BCORL1: variants seen among roughly 807,000 people sequenced by gnomAD.
BCORL1 encodes BCL-6 corepressor-like protein 1.
Under a neutral mutation model 87.6 loss-of-function variants are expected in BCORL1, and 7 were observed. The ratio of observed to expected loss-of-function variants is 0.08; its 90% CI spans 0.05 to 0.15. The LOEUF (loss-of-function observed/expected upper bound fraction) is 0.15. Among genes scored for constraint, BCORL1 ranks in the 10% least tolerant of loss-of-function variants. BCORL1 has a pLI of 1.00. For missense variants in BCORL1, 1,215 were observed against 1,499.7 expected, an observed-to-expected ratio of 0.81 and a Z score of 3.13; for synonymous variants, 591 against 634.4, an observed-to-expected ratio of 0.93 and a Z score of 1.03.
At chrX:129,984,857 T>G (rs898090963) in intron 1 of BCORL1, among the ~76,000 whole-genome samples, 1 of 111,752 alleles carries the variant, frequency 8.9e-6, no homozygotes, top group African/African-American at 3.3e-5. Context: ...AAATTTTCAA[T>G]GTTGGCTGAT....
Position 130,013,484 on chromosome X carries a change from C to A in BCORL1, c.712C>A (p.Pro238Thr). The A allele has an allele frequency of 1.7e-6, 2 of 1,210,993 alleles. No individual in the cohort carries two copies. The highest frequency in any genetic ancestry group is 2.2e-6 in the Non-Finnish European group (2 of 895,270). ...CCCAGTCCCCCATTCAGGGCTTGTT[C>A]CAGTCCAAGTTGCCACTTCGGTTCC... ...PAPVPHSGLV[P>T]VQVATSVPAP... Residue 238 changes from proline to threonine, a missense_variant, in exon 4 of 14, where the codon CCA (proline) becomes ACA (threonine). By Grantham distance (38) the Pro-to-Thr change is conservative (BLOSUM62 -1). Transcript: ENST00000540052.
At chrX:130,000,075 T>C (rs1203561547) in intron 1 of BCORL1, among the ~76,000 whole-genome samples, 1 of 109,168 alleles carries the variant, frequency 9.2e-6, no homozygotes, top group African/African-American at 3.3e-5. Flanking sequence ...TTAGACAGGA[T>C]TTTGCTGTCG....
At chrX:130,030,653 C>T (rs891802052) in intron 8 of BCORL1, among the ~76,000 whole-genome samples, 8 of 111,222 alleles carry the variant, frequency 7.2e-5, no homozygotes, top group African/African-American at 2.3e-4. Flanking sequence ...CCACAAGCAG[C>T]GCTGGGAAAA....
intron 12 of BCORL1, 143 bp from the exon 13 acceptor site, chrX:130,051,717 G>A (rs1050340370): frequency 3.9e-6 from 2 of 514,253 alleles, no homozygotes; most frequent in East Asian, 3.7e-5. Context: ...CCGGCAAACC[G>A]CATCCCTGAC....
intron 11 of BCORL1, among the ~76,000 whole-genome samples, chrX:130,046,273 C>A (rs1216609003): frequency 9.0e-6 from 1 of 111,286 alleles, no homozygotes; most frequent in East Asian, 2.8e-4. Flanking sequence ...GGTGACAGAG[C>A]AAGACCCTGT....
At chrX:130,012,191 G>C (rs1045848758) in intron 2 of BCORL1, among the ~76,000 whole-genome samples, 2 of 111,993 alleles carry the variant, frequency 1.8e-5, no homozygotes, top group African/African-American at 6.5e-5. Context: ...CATGCCTTTT[G>C]AGGCATTCAG....
At chrX:130,016,733 A>G (rs1460178325) in intron 4 of BCORL1, among the ~76,000 whole-genome samples, 2 of 111,529 alleles carry the variant, frequency 1.8e-5, no homozygotes, top group African/African-American at 6.5e-5. Context: ...TGTGCTAATC[A>G]GTTTCCTACC....
At position 129,990,077 on chromosome X, in the gene BCORL1, T is replaced by C. The variant is rs186773031; in HGVS notation, c.-45+7315T>C. Among the ~76,000 whole-genome samples the C allele has an allele frequency of 6.4e-4, 72 of 111,729 alleles. 2 individuals are homozygous for C. The Middle Eastern group carries it at 0.032, about 50-fold the overall frequency. ...CTGGGATTACAGGCATGGGCCACCA[T>C]GCCCGGCCCACTTAACTTTGTTGAG... On this transcript the variant is annotated intron_variant, in intron 1 of 13. Coordinates refer to ENST00000540052, the MANE Select transcript of BCORL1 (RefSeq NM_001379451.1).
At chrX:130,009,282 C>T (rs750049589) in intron 2 of BCORL1, among the ~76,000 whole-genome samples, 26 of 110,428 alleles carry the variant, frequency 2.4e-4, no homozygotes, top group African/African-American at 5.6e-4. Context: ...CTGACCAACA[C>T]GGAGAAACCC....
At chrX:129,991,651 CTTTTTTT>C (rs112594609) in intron 1 of BCORL1, among the ~76,000 whole-genome samples, 5 of 47,551 alleles carry the variant, frequency 1.1e-4, no homozygotes, top group Non-Finnish European at 1.8e-4. Flanking sequence ...AGAAAATATT[CTTTTTTT>C]TTTTTTTTTT....
rs1285812367 is a variant in BCORL1 at position 130,025,367 on chromosome X, A to G, written c.4066A>G (p.Lys1356Glu). ...AGAGCAAGAAGACGAGCAGCGGCGGAAAGGGAGAGCAGGTAAGGCTGGCCA... is the reference window on the plus strand; with the variant it reads ...AGAGCAAGAAGACGAGCAGCGGCGGGAAGGGAGAGCAGGTAAGGCTGGCCA... ...LTEQEDEQRR[K>E]GRADLKARKQ... Residue 1356 changes from lysine to glutamate, a missense_variant, in exon 7 of 14, where the codon AAA becomes GAA. Lys to Glu is a moderately conservative substitution (Grantham distance 56). This residue lies in a region of BCORL1 where 166 missense variants were observed against 196.5 expected (regional missense o/e 0.84). Coordinates refer to ENST00000540052, the MANE Select transcript of BCORL1 (RefSeq NM_001379451.1). 2 of 1,149,135 alleles carry G rather than the reference A, an allele frequency of 1.7e-6. No individual in the cohort carries two copies. The highest frequency in any genetic ancestry group is 5.6e-5 in the Admixed American group (2 of 35,695). The allele number at this position is 1,149,135 out of a possible 1,213,427, so 94.7% of individuals were successfully genotyped here.
intron 1 of BCORL1, among the ~76,000 whole-genome samples, chrX:129,997,509 T>C (rs564783153): frequency 1.8e-5 from 2 of 110,737 alleles, no homozygotes; most frequent in Non-Finnish European, 3.8e-5. Flanking sequence ...TTAAAGTTAT[T>C]GCGGCCAGGC....
chrX:130,039,027 A>G, intron 10 of BCORL1, 110 bp from the exon 11 acceptor site: 1 of 894,967 alleles, frequency 1.1e-6, no homozygotes, highest in Non-Finnish European at 1.6e-6. Context: ...TATTACACCA[A>G]GGTTACCTGG....
At chrX:130,001,395 G>T (rs780741593) in intron 1 of BCORL1, among the ~76,000 whole-genome samples, 3 of 112,393 alleles carry the variant, frequency 2.7e-5, no homozygotes. Flanking sequence ...GGCCAAGGAC[G>T]CTATTTCTTA....
At chrX:130,005,470 G>C (rs1928409800) in intron 2 of BCORL1, among the ~76,000 whole-genome samples, 153 bp downstream of exon 2, 1 of 111,753 alleles carries the variant, frequency 8.9e-6, no homozygotes, top group Non-Finnish European at 1.9e-5. Flanking sequence ...GATGGGGATG[G>C]GGCTGTGTGA....
chrX:129,993,627 G>T (rs1927344011), intron 1 of BCORL1, among the ~76,000 whole-genome samples: 1 of 111,687 alleles, frequency 9.0e-6, no homozygotes, highest in African/African-American at 3.3e-5. Context: ...GGTCAAGGTT[G>T]CAGTGAGCTA....
rs370962320 is a variant in BCORL1, at chrX:130,022,803, A to G, written c.3608-94A>G. ...CAGGGTAAACACAAACTCTTTCTCA[A>G]TCTTTCCCCCGAGCCTCACAGGTGG... is the stretch of plus-strand genomic sequence containing the variant. On this transcript the variant is annotated intron_variant, in intron 5 of 13. Transcript: ENST00000540052. 1.1e-3 allele frequency: 843 copies of G among 772,823 alleles called. 7 individuals carry two copies. The South Asian group carries it at 0.017, about 16-fold the overall frequency. 63.7% of individuals were successfully genotyped at this position (772,823 alleles called of 1,213,427 possible).
rs1569382752 is a variant in BCORL1 at position 130,034,582 on chromosome X, C to T, written c.4433C>T (p.Thr1478Ile). ...ASSEEASESP[T>I]ARQIPPEARR... ...TCAGAGGAGGCCTCAGAGTCACCTA[C>T]AGCCCGGCAGATCCCCCCAGAGGCA... The change falls in exon 9 of 14, where the codon ACA (threonine) becomes ATA (isoleucine). Residue 1478 changes from threonine to isoleucine, a missense_variant. Transcript: ENST00000540052. The T allele has an allele frequency of 1.0e-6, 1 of 983,536 alleles. No individual in the cohort carries two copies. The highest frequency in any genetic ancestry group is 7.5e-5 in the East Asian group (1 of 13,351). The allele number at this position is 983,536 out of a possible 1,213,427, so 81.1% of individuals were successfully genotyped here.
At position 130,000,894 on chromosome X, in the gene BCORL1, CTTTGTGTG is replaced by C. The variant is rs1177174760; in HGVS notation, c.-44-4292_-44-4285del. The stretch of plus-strand genomic sequence containing the variant: ...CTGTAGTAAGCAAACATGGTGGATG[CTTTGTGTG>C]TGTGTGTGTGTGTGTGTGTGTGTGT... On this transcript the variant is annotated intron_variant, in intron 1 of 13. Transcript: ENST00000540052. Among the ~76,000 whole-genome samples the C allele has an allele frequency of 2.2e-3, 193 of 89,165 alleles. 1 individual carries two copies. The highest frequency in any genetic ancestry group is 9.2e-3 in the African/African-American group (181 of 19,644). 77.4% of individuals were successfully genotyped at this position (89,165 alleles called of 115,157 possible). A position where few individuals can be genotyped will look rare whatever the true frequency, so the allele number is the denominator to read the frequency against.
Sources: allele counts gnomAD v4.1 joint callset (sites outside exome capture counted in the v4.1 genomes callset), GRCh38; gene constraint gnomAD v4.1.1; regional missense constraint gnomAD v4.1.1; transcripts MANE v1.5; gene names NCBI Gene and HGNC (gene_info 2026-07-23, HGNC 2026-07-21).